The following ECPAS variants were observed in gnomAD, a reference collection of about 807,000 sequenced individuals.
ECPAS encodes the protein proteasome adapter and scaffold protein ECM29.
In ECPAS, 70 loss-of-function variants were observed where a neutral mutation model predicts 255.1. The observed-to-expected ratio is 0.27, with a 90% CI of 0.23 to 0.33. The LOEUF (loss-of-function observed/expected upper bound fraction) is 0.33. Among genes scored for constraint, ECPAS ranks in the 10% least tolerant of loss-of-function variants. The probability of loss-of-function intolerance (pLI) is 1.00; values close to 1 mark genes in which losing one functional copy is unlikely to be tolerated. For missense variants in ECPAS, 1,817 were observed against 2,206.4 expected, an observed-to-expected ratio of 0.82 and a Z score of 3.54; for synonymous variants, 784 against 775.0, an observed-to-expected ratio of 1.01 and a Z score of -0.19.
At chr9:111,461,966 G>T (rs1260962814) in intron 2 of ECPAS, among the ~76,000 whole-genome samples, 1 of 152,148 alleles carries the variant, frequency 6.6e-6, no homozygotes, top group African/African-American at 2.4e-5. Context: ...GCATGGGAAA[G>T]ACTCACTCCC....
At chr9:111,443,145 T>C (rs2098248140) in intron 4 of ECPAS, among the ~76,000 whole-genome samples, 1 of 152,212 alleles carries the variant, frequency 6.6e-6, no homozygotes, top group Non-Finnish European at 1.5e-5. Context: ...AGATAAGGGA[T>C]ACTCAACCTG....
At chr9:111,382,008 A>C (rs1325460451) in intron 35 of ECPAS, among the ~76,000 whole-genome samples, 9 of 147,016 alleles carry the variant, frequency 6.1e-5, no homozygotes, top group Non-Finnish European at 1.4e-4. Flanking sequence ...AATTTTGTAA[A>C]ACACACACAC....
At chr9:111,365,872 TAG>T (rs1393848807) in intron 48 of ECPAS, 2 of 192,236 alleles carry the variant, frequency 1.0e-5, no homozygotes, top group Non-Finnish European at 2.1e-5. Context: ...AACATGTATA[TAG>T]AAGTCCAAAT....
chr9:111,449,838 C>G (rs2098257942), intron 3 of ECPAS, among the ~76,000 whole-genome samples: 1 of 152,136 alleles, frequency 6.6e-6, no homozygotes, highest in Non-Finnish European at 1.5e-5. Flanking sequence ...GTCTCATGCA[C>G]TGGGGACATC....
rs746684428 is a variant in ECPAS, at chr9:111,472,981, T to C, written c.-63A>G. 155 of 1,155,032 alleles carry C rather than the reference T, an allele frequency of 1.3e-4. No individual in the cohort carries two copies. The highest frequency in any genetic ancestry group is 8.6e-4 in the Admixed American group (19 of 22,152). The allele number at this position is 1,155,032 out of a possible 1,614,324, so 71.5% of individuals were successfully genotyped here. ...AATGGTACGTTCATCCACTCGTACA[T>C]ATGCAATTGTATAAAGAATCTATTA... On this transcript the variant is annotated 5_prime_UTR_variant, in exon 2 of 50. The change creates a new upstream start codon in the 5' untranslated region. Transcript: ENST00000684092.
At chr9:111,462,405 T>C (rs1589227989) in intron 2 of ECPAS, among the ~76,000 whole-genome samples, 2 of 151,924 alleles carry the variant, frequency 1.3e-5, no homozygotes, top group East Asian at 3.9e-4. Context: ...TCCAAGCAAA[T>C]TGAACTGGAA....
intron 15 of ECPAS, 95 bp from the exon 16 acceptor site, chr9:111,420,215 C>T: frequency 2.7e-6 from 2 of 748,576 alleles, no homozygotes; most frequent in East Asian, 2.6e-5. Flanking sequence ...GATGAGTCTT[C>T]CTAACTGTAA....
chr9:111,374,553 A>C (rs908545065), intron 38 of ECPAS, among the ~76,000 whole-genome samples: 12 of 152,212 alleles, frequency 7.9e-5, no homozygotes, highest in Non-Finnish European at 1.5e-4. Context: ...AAATATTAAC[A>C]GCAGTTATCT....
intron 16 of ECPAS, among the ~76,000 whole-genome samples, 196 bp from the exon 17 acceptor site, chr9:111,418,202 G>A (rs145127060): frequency 1.4e-4 from 21 of 152,138 alleles, no homozygotes; most frequent in African/African-American, 4.6e-4. Flanking sequence ...CATGAGGTCC[G>A]GGGACTCATC....
chr9:111,428,156 T>G lies in ECPAS; in HGVS notation c.936A>C (p.Ala312=). 6.2e-7 allele frequency: 1 copy of G among 1,607,260 alleles called. No individual in the cohort carries two copies. Among genetic ancestry groups the G allele is most frequent in the Non-Finnish European group, 8.5e-7 (1 of 1,177,460 alleles). The change falls in exon 10 of 50, where the codon GCA becomes GCC. Residue 312 remains alanine, a synonymous_variant. Coordinates refer to ENST00000684092, the MANE Select transcript of ECPAS (RefSeq NM_001364929.1). The part of the protein sequence containing the change: ...GDIPLKTKEG[A]VLKPELKRDP... ...CCCTTTTCAACTCTGGCTTCAGAAC[T>G]GCACCCTGTTGAAAATATGCTTGAT...
rs149014768 is a variant in ECPAS at position 111,435,307 on chromosome 9, T to C, written c.708+1633A>G. ...AGAAAAAGTATAAAACAAAGAGATA[T>C]TTTAAAATTAGAGGAAAATAGCTTT... On this transcript the variant is annotated intron_variant, in intron 7 of 49. Coordinates refer to ENST00000684092, the MANE Select transcript of ECPAS (RefSeq NM_001364929.1). 6.8e-4 allele frequency among the ~76,000 whole-genome samples: 104 copies of C among 152,302 alleles called. 1 individual carries two copies. In the South Asian group the frequency reaches 0.012, roughly 18 times the overall value.
intron 21 of ECPAS, 31 bp downstream of exon 21, chr9:111,411,983 C>A: frequency 2.7e-6 from 4 of 1,485,270 alleles, no homozygotes; most frequent in Non-Finnish European, 3.6e-6. Flanking sequence ...CCCTATCTCC[C>A]ACAAAAAAGA....
chr9:111,434,896 C>CT lies in ECPAS; in HGVS notation c.709-1525dup, dbSNP rs3031129. 1.3e-3 allele frequency among the ~76,000 whole-genome samples: 124 copies of CT among 92,138 alleles called. 3 individuals are homozygous for CT. The highest frequency in any genetic ancestry group is 1.9e-3 in the South Asian group (5 of 2,676). The allele number at this position is 92,138 out of a possible 152,430, so 60.4% of individuals were successfully genotyped here. A position where few individuals can be genotyped will look rare whatever the true frequency, so the allele number is the denominator to read the frequency against. ...TACAGGCATGAGCCACCACATCTGG[C>CT]TTTTTTTTTTTTTTTTTTTTTACAC... is the stretch of plus-strand genomic sequence containing the variant. On this transcript the variant is annotated intron_variant, in intron 7 of 49. Transcript: ENST00000684092.
chr9:111,437,165 T>C, intron 6 of ECPAS, 57 bp from the exon 7 acceptor site: 2 of 1,385,486 alleles, frequency 1.4e-6, no homozygotes, highest in Non-Finnish European at 2.0e-6. Context: ...TACAACTATA[T>C]ATGTATACAA....
At chr9:111,367,857 G>A (rs2098122341) in intron 46 of ECPAS, among the ~76,000 whole-genome samples, 1 of 151,790 alleles carries the variant, frequency 6.6e-6, no homozygotes, top group Admixed American at 6.6e-5. Context: ...AGACCAACCT[G>A]GGCAACATAG....
intron 35 of ECPAS, 100 bp from the exon 36 acceptor site, chr9:111,378,830 C>A: frequency 8.7e-7 from 1 of 1,147,970 alleles, no homozygotes; most frequent in Non-Finnish European, 1.2e-6. Context: ...TGCATTAAAG[C>A]ATATTTTCAC....
intron 49 of ECPAS, 150 bp downstream of exon 49, chr9:111,363,438 G>C (rs540855402): frequency 9.5e-5 from 41 of 433,594 alleles, no homozygotes; most frequent in African/African-American, 8.0e-4. Context: ...TAATAGTTTT[G>C]GCTTTGTCCA....
chr9:111,483,565 G>C (rs2098310258), intron 1 of ECPAS: 3 of 885,868 alleles, frequency 3.4e-6, no homozygotes, highest in Non-Finnish European at 4.0e-6. Flanking sequence ...GAGGGAACGA[G>C]GGAGGGGCTG....
Position 111,373,990 on chromosome 9 carries a change from C to G in ECPAS, c.4159G>C (p.Asp1387His). Reference sequence around the variant, plus strand: ...AACTCACCTGAGTAAGGTGTTAGGTCCTGAGGACACTGAGTAGTTAATGAC... The same window carrying G: ...AACTCACCTGAGTAAGGTGTTAGGTGCTGAGGACACTGAGTAGTTAATGAC... ...IVSLTTQCPQDLTPYSGKLMS... is the reference protein window; with the variant it reads ...IVSLTTQCPQHLTPYSGKLMS... Residue 1387 changes from aspartate to histidine, a missense_variant, in exon 39 of 50, where the codon GAC becomes CAC. Physicochemically the swap from Asp to His is moderately conservative, Grantham distance 81. Coordinates refer to ENST00000684092, the MANE Select transcript of ECPAS (RefSeq NM_001364929.1). 3.7e-6 allele frequency: 6 copies of G among 1,613,264 alleles called. No homozygotes were observed. The highest frequency in any genetic ancestry group is 4.2e-6 in the Non-Finnish European group (5 of 1,179,300).
Sources: gnomAD v4.1 joint callset for allele counts (sites outside exome capture counted in the v4.1 genomes callset) on GRCh38, gnomAD v4.1.1 for gene constraint, MANE v1.5 for transcripts, NCBI Gene and HGNC (gene_info 2026-07-23, HGNC 2026-07-21) for gene names.